The following MC1R variants were observed in gnomAD, a reference collection of about 807,000 sequenced individuals.
MC1R encodes the protein melanocortin 1 receptor, also known as melanocyte-stimulating hormone receptor.
For synonymous variants in MC1R, 263 were observed against 203.8 expected (o/e 1.29, Z -2.47); for missense variants, 542 against 430.0 (o/e 1.26, Z -2.30).
chr16:89,920,840 A>G lies in MC1R; in HGVS notation c.*628A>G. ...GCCGGTTCTAAGGCTCAGACTGGGC[A>G]CTGGGGCCTCAGCCTGCTTTCCTGC... On this transcript the variant is annotated 3_prime_UTR_variant, in exon 1 of 1. Coordinates refer to ENST00000555147, the MANE Select transcript of MC1R (RefSeq NM_002386.4). 1 of 602,752 alleles carries G rather than the reference A, an allele frequency of 1.7e-6. No individual in the cohort carries two copies. 37.3% of individuals were successfully genotyped at this position (602,752 alleles called of 1,614,324 possible).
Position 89,919,984 on chromosome 16 carries a change from CCT to C in MC1R, c.728_729del (p.Leu243HisfsTer91), listed in dbSNP as rs768777016. 6.2e-7 allele frequency: 1 copy of C among 1,613,330 alleles called. No homozygotes were observed. On this transcript the variant is annotated frameshift_variant, in exon 1 of 1. Transcript: ENST00000555147. LOFTEE classifies it low-confidence loss of function (END_TRUNC). ...QGFGLKGAVT[L>X]TILLGIFFLC... is the part of the protein sequence containing the mutation. Reference sequence around the variant, plus strand: ...GCTTTGGCCTTAAAGGCGCTGTCACCCTCACCATCCTGCTGGGCATTTTCTTC... The same window carrying C: ...GCTTTGGCCTTAAAGGCGCTGTCACCCACCATCCTGCTGGGCATTTTCTTC...
chr16:89,919,270 G>A lies in MC1R; in HGVS notation c.12G>A (p.Gln4=). The change falls in exon 1 of 1, where the codon CAG becomes CAA. Residue 4 remains glutamine, a synonymous_variant. Coordinates refer to ENST00000555147, the MANE Select transcript of MC1R (RefSeq NM_002386.4). ...TCCTGGACAGGACTATGGCTGTGCA[G>A]GGATCCCAGAGAAGACTTCTGGGCT... is the stretch of plus-strand genomic sequence containing the variant. MAV[Q]GSQRRLLGSL... is the part of the protein sequence containing the mutation. The A allele has an allele frequency of 6.3e-7, 1 of 1,577,288 alleles. No homozygotes were observed. The highest frequency in any genetic ancestry group is 8.6e-7 in the Non-Finnish European group (1 of 1,161,164).
At position 89,919,365 on chromosome 16, in the gene MC1R, T is replaced by C; in HGVS notation, c.107T>C (p.Leu36Pro). Reference sequence around the variant, plus strand: ...GCCAACCAGACAGGAGCCCGGTGCCTGGAGGTGTCCATCTCTGACGGGCTC... The same window carrying C: ...GCCAACCAGACAGGAGCCCGGTGCCCGGAGGTGTCCATCTCTGACGGGCTC... The part of the protein sequence containing the change: ...LAANQTGARC[L>P]EVSISDGLFL... Residue 36 changes from leucine to proline, a missense_variant, in exon 1 of 1, where the codon CTG (leucine) becomes CCG (proline). By Grantham distance (98) the Leu-to-Pro change is moderately conservative. Coordinates refer to ENST00000555147, the MANE Select transcript of MC1R (RefSeq NM_002386.4). 4.3e-6 allele frequency: 7 copies of C among 1,613,212 alleles called. No homozygotes were observed. The highest frequency in any genetic ancestry group is 5.1e-6 in the Non-Finnish European group (6 of 1,179,842).
At position 89,920,869 on chromosome 16, in the gene MC1R, A is replaced by G. The variant is rs1187639195; in HGVS notation, c.*657A>G. The G allele has an allele frequency of 8.4e-6, 5 of 598,466 alleles. No homozygotes were observed. The East Asian group carries it at 1.4e-4, about 17-fold the overall frequency. 37.1% of individuals were successfully genotyped at this position (598,466 alleles called of 1,614,324 possible). A position where few individuals can be genotyped will look rare whatever the true frequency, so the allele number is the denominator to read the frequency against. On this transcript the variant is annotated 3_prime_UTR_variant, in exon 1 of 1. Coordinates refer to ENST00000555147, the MANE Select transcript of MC1R (RefSeq NM_002386.4). ...GGGCCTCAGCCTGCTTTCCTGCAGC[A>G]GTCGCCCAAGCAGACAGCCCTGGCA... is the stretch of plus-strand genomic sequence containing the variant.
chr16:89,920,154 C>T lies in MC1R; in HGVS notation c.896C>T (p.Ala299Val), dbSNP rs752932359. 5.0e-6 allele frequency: 8 copies of T among 1,613,944 alleles called. No individual in the cohort carries two copies. The highest frequency in any genetic ancestry group is 1.6e-4 in the Middle Eastern group (1 of 6,084). ...GCCATCATCGACCCCCTCATCTACGCCTTCCACAGCCAGGAGCTCCGCAGG... is the reference window on the plus strand; with the variant it reads ...GCCATCATCGACCCCCTCATCTACGTCTTCCACAGCCAGGAGCTCCGCAGG... ...CNAIIDPLIY[A>V]FHSQELRRTL... The change falls in exon 1 of 1, where the codon GCC becomes GTC. Residue 299 changes from alanine to valine, a missense_variant. Coordinates refer to ENST00000555147, the MANE Select transcript of MC1R (RefSeq NM_002386.4).
chr16:89,919,380 C>G lies in MC1R; in HGVS notation c.122C>G (p.Ser41Cys), dbSNP rs369674161. Residue 41 changes from serine to cysteine, a missense_variant, in exon 1 of 1, where the codon TCT becomes TGT. Ser to Cys is a moderately radical substitution (Grantham distance 112, BLOSUM62 -1). Coordinates refer to ENST00000555147, the MANE Select transcript of MC1R (RefSeq NM_002386.4). ...GCCCGGTGCCTGGAGGTGTCCATCT[C>G]TGACGGGCTCTTCCTCAGCCTGGGG... The part of the protein sequence containing the change: ...TGARCLEVSI[S>C]DGLFLSLGLV... 28 of 1,613,212 alleles carry G rather than the reference C, an allele frequency of 1.7e-5. No homozygotes were observed. Among genetic ancestry groups the G allele is most frequent in the African/African-American group, 1.7e-4 (13 of 74,950 alleles).
Position 89,919,327 on chromosome 16 carries a change from G to C in MC1R, c.69G>C (p.Gln23His). ...SLNSTPTAIP[Q>H]LGLAANQTGA... ...ACTCCACCCCCACAGCCATCCCCCA[G>C]CTGGGGCTGGCTGCCAACCAGACAG... The change falls in exon 1 of 1, where the codon CAG becomes CAC. Residue 23 changes from glutamine to histidine, a missense_variant. Transcript: ENST00000555147. 1 of 1,612,276 alleles carries C rather than the reference G, an allele frequency of 6.2e-7. No individual in the cohort carries two copies. The highest frequency in any genetic ancestry group is 8.5e-7 in the Non-Finnish European group (1 of 1,179,500).
In MC1R at chr16:89,920,881, A is replaced by G; in HGVS notation, c.*669A>G. 1.7e-6 allele frequency: 1 copy of G among 596,816 alleles called. No individual in the cohort carries two copies. Among genetic ancestry groups the G allele is most frequent in the Non-Finnish European group, 3.0e-6 (1 of 329,246 alleles). The allele number at this position is 596,816 out of a possible 1,614,324, so 37.0% of individuals were successfully genotyped here. A position where few individuals can be genotyped will look rare whatever the true frequency, so the allele number is the denominator to read the frequency against. ...GCTTTCCTGCAGCAGTCGCCCAAGC[A>G]GACAGCCCTGGCAAATGCCTGACTC... On this transcript the variant is annotated 3_prime_UTR_variant, in exon 1 of 1. Coordinates refer to ENST00000555147, the MANE Select transcript of MC1R (RefSeq NM_002386.4).
chr16:89,920,381 A>T lies in MC1R; in HGVS notation c.*169A>T. 1 of 649,602 alleles carries T rather than the reference A, an allele frequency of 1.5e-6. No individual in the cohort carries two copies. The highest frequency in any genetic ancestry group is 2.7e-5 in the East Asian group (1 of 36,640). The allele number at this position is 649,602 out of a possible 1,614,324, so 40.2% of individuals were successfully genotyped here. ...TTGAAGCGCGGACCCTTCTGGGTCCAGGGAGGGGTCCCTGCAAAACTCCAG... is the reference window on the plus strand; with the variant it reads ...TTGAAGCGCGGACCCTTCTGGGTCCTGGGAGGGGTCCCTGCAAAACTCCAG... On this transcript the variant is annotated 3_prime_UTR_variant, in exon 1 of 1. Transcript: ENST00000555147.
Position 89,919,153 on chromosome 16 carries a change from C to G in MC1R, c.-106C>G, listed in dbSNP as rs1292180275. 1.3e-6 allele frequency: 1 copy of G among 792,942 alleles called. No individual in the cohort carries two copies. Among genetic ancestry groups the G allele is most frequent in the Admixed American group, 2.9e-5 (1 of 34,482 alleles). The allele number at this position is 792,942 out of a possible 1,614,324, so 49.1% of individuals were successfully genotyped here. A position where few individuals can be genotyped will look rare whatever the true frequency, so the allele number is the denominator to read the frequency against. On this transcript the variant is annotated 5_prime_UTR_variant, in exon 1 of 1. Coordinates refer to ENST00000555147, the MANE Select transcript of MC1R (RefSeq NM_002386.4). ...GGAAGGAGGCAGGCATGGGGGACAC[C>G]CAAGGCCCCCTGGCAGCACCATGAA... is the stretch of plus-strand genomic sequence containing the variant.
rs1278431436 is a variant in MC1R at position 89,919,758 on chromosome 16, C to T, written c.500C>T (p.Ala167Val). The change falls in exon 1 of 1, where the codon GCC becomes GTC. Residue 167 changes from alanine to valine, a missense_variant. Physicochemically the swap from Ala to Val is moderately conservative, Grantham distance 64. Transcript: ENST00000555147. ...TLPRARRAVA[A>V]IWVASVVFST... ...CCGCGGGCGCGGCGAGCCGTTGCGG[C>T]CATCTGGGTGGCCAGTGTCGTCTTC... 3 of 1,608,540 alleles carry T rather than the reference C, an allele frequency of 1.9e-6. No homozygotes were observed. The highest frequency in any genetic ancestry group is 1.3e-5 in the African/African-American group (1 of 75,072).
Position 89,919,997 on chromosome 16 carries a change from C to A in MC1R, c.739C>A (p.Leu247Met). The A allele has an allele frequency of 6.2e-7, 1 of 1,613,522 alleles. No individual in the cohort carries two copies. Among genetic ancestry groups the A allele is most frequent in the Non-Finnish European group, 8.5e-7 (1 of 1,179,894 alleles). Residue 247 changes from leucine to methionine, a missense_variant, in exon 1 of 1, where the codon CTG (leucine) becomes ATG (methionine). By Grantham distance (15) the Leu-to-Met change is conservative. Coordinates refer to ENST00000555147, the MANE Select transcript of MC1R (RefSeq NM_002386.4). ...AGGCGCTGTCACCCTCACCATCCTG[C>A]TGGGCATTTTCTTCCTCTGCTGGGG... ...LKGAVTLTIL[L>M]GIFFLCWGPF...
At position 89,920,310 on chromosome 16, in the gene MC1R, G is replaced by A; in HGVS notation, c.*98G>A. The stretch of plus-strand genomic sequence containing the variant: ...ACCCTGGGCAGTTCCTTACCTCCCT[G>A]GTCCCCGTTTGTCAAAGAGGATGGA... On this transcript the variant is annotated 3_prime_UTR_variant, in exon 1 of 1. Coordinates refer to ENST00000555147, the MANE Select transcript of MC1R (RefSeq NM_002386.4). The A allele has an allele frequency of 9.9e-7, 1 of 1,006,724 alleles. No individual in the cohort carries two copies. Among genetic ancestry groups the A allele is most frequent in the Non-Finnish European group, 1.5e-6 (1 of 668,138 alleles). The allele number at this position is 1,006,724 out of a possible 1,614,324, so 62.4% of individuals were successfully genotyped here.
rs921577469 is a variant in MC1R at position 89,919,387 on chromosome 16, G to C, written c.129G>C (p.Gly43=). 17 of 1,613,342 alleles carry C rather than the reference G, an allele frequency of 1.1e-5. No homozygotes were observed. The highest frequency in any genetic ancestry group is 1.4e-5 in the Non-Finnish European group (16 of 1,179,882). The change falls in exon 1 of 1, where the codon GGG becomes GGC. Residue 43 remains glycine (G), a synonymous_variant. Coordinates refer to ENST00000555147, the MANE Select transcript of MC1R (RefSeq NM_002386.4). ...ARCLEVSISD[G]LFLSLGLVSL... ...GCCTGGAGGTGTCCATCTCTGACGG[G>C]CTCTTCCTCAGCCTGGGGCTGGTGA... is the stretch of plus-strand genomic sequence containing the variant.
rs774381644 is a variant in MC1R, at chr16:89,919,388, C to G, written c.130C>G (p.Leu44Val). 5 of 1,613,336 alleles carry G rather than the reference C, an allele frequency of 3.1e-6. No homozygotes were observed. Among genetic ancestry groups the G allele is most frequent in the Non-Finnish European group, 3.4e-6 (4 of 1,179,874 alleles). ...CCTGGAGGTGTCCATCTCTGACGGG[C>G]TCTTCCTCAGCCTGGGGCTGGTGAG... is the stretch of plus-strand genomic sequence containing the variant. ...RCLEVSISDG[L>V]FLSLGLVSLV... Residue 44 changes from leucine (L) to valine (V), a missense_variant, in exon 1 of 1, where the codon CTC becomes GTC. Physicochemically the swap from Leu to Val is conservative, Grantham distance 32. Coordinates refer to ENST00000555147, the MANE Select transcript of MC1R (RefSeq NM_002386.4).
chr16:89,919,079 C>G lies in MC1R; in HGVS notation c.-180C>G, dbSNP rs2045685929. On this transcript the variant is annotated 5_prime_UTR_variant, in exon 1 of 1. Coordinates refer to ENST00000555147, the MANE Select transcript of MC1R (RefSeq NM_002386.4). ...CTGGCTGGGCCATGCCTGGGCTGAC[C>G]TGTCCAGCCAGGGAGAGGGTGTGAG... The G allele has an allele frequency of 1.0e-5, 6 of 593,590 alleles. No individual in the cohort carries two copies. The South Asian group carries it at 1.3e-4, about 13-fold the overall frequency. The allele number at this position is 593,590 out of a possible 1,614,324, so 36.8% of individuals were successfully genotyped here.
rs756738524 is a variant in MC1R, at chr16:89,920,122, C to G, written c.864C>G (p.Ile288Met). 6 of 1,613,942 alleles carry G rather than the reference C, an allele frequency of 3.7e-6. No individual in the cohort carries two copies. The highest frequency in any genetic ancestry group is 1.7e-5 in the Admixed American group (1 of 60,016). Residue 288 changes from isoleucine (I) to methionine (M), a missense_variant, in exon 1 of 1, where the codon ATC becomes ATG. Coordinates refer to ENST00000555147, the MANE Select transcript of MC1R (RefSeq NM_002386.4). ...KNFNLFLALI[I>M]CNAIIDPLIY... ...TCAACCTCTTTCTCGCCCTCATCATCTGCAATGCCATCATCGACCCCCTCA... is the reference window on the plus strand; with the variant it reads ...TCAACCTCTTTCTCGCCCTCATCATGTGCAATGCCATCATCGACCCCCTCA...
Position 89,920,221 on chromosome 16 carries a change from C to T in MC1R, c.*9C>T. On this transcript the variant is annotated 3_prime_UTR_variant, in exon 1 of 1. Transcript: ENST00000555147. ...TGACATGCTCCTGGTGAGCGCGGTG[C>T]ACGCGGCTTTAAGTGTGCTGGGCAG... 1 of 1,607,530 alleles carries T rather than the reference C, an allele frequency of 6.2e-7. No individual in the cohort carries two copies. Among genetic ancestry groups the T allele is most frequent in the Non-Finnish European group, 8.5e-7 (1 of 1,174,300 alleles).
In MC1R at chr16:89,920,483, A is replaced by C; in HGVS notation, c.*271A>C. ...TGTGGGGCCTCAGGCTCCGGGCACC[A>C]GGGGCCAACCTCAGGCTCCTAAAGA... On this transcript the variant is annotated 3_prime_UTR_variant, in exon 1 of 1. Transcript: ENST00000555147. 1 of 616,660 alleles carries C rather than the reference A, an allele frequency of 1.6e-6. No individual in the cohort carries two copies. The highest frequency in any genetic ancestry group is 2.9e-6 in the Non-Finnish European group (1 of 339,052). The allele number at this position is 616,660 out of a possible 1,614,324, so 38.2% of individuals were successfully genotyped here.
Sources: gnomAD v4.1 joint callset for allele counts on GRCh38, gnomAD v4.1.1 for gene constraint, MANE v1.5 for transcripts, NCBI Gene and HGNC (gene_info 2026-07-23, HGNC 2026-07-21) for gene names.